The following TMED5 variants were observed in gnomAD, a reference collection of about 807,000 sequenced individuals.
TMED5 encodes the protein transmembrane emp24 domain-containing protein 5.
In TMED5, 27 loss-of-function variants were observed where a neutral mutation model predicts 23.0. That is an observed-to-expected ratio of 1.17 (90% CI 0.86 to 1.62). The LOEUF (loss-of-function observed/expected upper bound fraction) is 1.62. Ranked by LOEUF, TMED5 falls within the 40% of genes most tolerant of loss-of-function variation. The pLI is 0.00. For synonymous variants in TMED5, 97 were observed against 100.8 expected (o/e 0.96, Z 0.23); for missense variants, 248 against 273.7 (o/e 0.91, Z 0.66).
Position 93,153,704 on chromosome 1 carries a change from ATATT to A in TMED5, c.*962_*965del, listed in dbSNP as rs1236656629. The stretch of plus-strand genomic sequence containing the variant: ...TAATTCTTAGAGCTCAGAAAAGGAG[ATATT>A]TATTTATGGTAGGCCCAGATCATTT... On this transcript the variant is annotated 3_prime_UTR_variant, in exon 4 of 4. Transcript: ENST00000370282. The A allele has an allele frequency of 6.6e-6, 1 of 152,074 alleles. No homozygotes were observed. The highest frequency in any genetic ancestry group is 1.5e-5 in the Non-Finnish European group (1 of 67,960). The allele number at this position is 152,074 out of a possible 1,614,324, so 9.4% of individuals were successfully genotyped here. A position where few individuals can be genotyped will look rare whatever the true frequency, so the allele number is the denominator to read the frequency against.
Position 93,156,342 on chromosome 1 carries a change from A to T in TMED5, c.429T>A (p.Ile143=). 6.2e-7 allele frequency: 1 copy of T among 1,613,788 alleles called. No homozygotes were observed. The highest frequency in any genetic ancestry group is 8.5e-7 in the Non-Finnish European group (1 of 1,179,772). Residue 143 remains isoleucine (I), a synonymous_variant, in exon 3 of 4, where the codon ATT becomes ATA. Transcript: ENST00000370282. ...AQEQEDWKKY[I]TGTDILDMKL... ...TCATATCCAATATATCTGTGCCAGT[A>T]ATATATTTCTTCCAATCTTCTTGTT...
chr1:93,156,611 G>A (rs1648083227), intron 2 of TMED5, 128 bp from the exon 3 acceptor site: 8 of 699,882 alleles, frequency 1.1e-5, no homozygotes, highest in South Asian at 3.8e-5. Context: ...AGCATTTTGA[G>A]AGGGCAAGGC....
rs757714694 is a variant in TMED5 at position 93,150,397 on chromosome 1, G to T, written c.*4273C>A. ...ACATCCAGGTTGTTTCCGGGTTTTG[G>T]CTATTATAAATGAAGGTGCTATGTA... is the stretch of plus-strand genomic sequence containing the variant. On this transcript the variant is annotated 3_prime_UTR_variant, in exon 4 of 4. Coordinates refer to ENST00000370282, the MANE Select transcript of TMED5 (RefSeq NM_016040.5). 1 of 152,120 alleles carries T rather than the reference G, an allele frequency of 6.6e-6. No individual in the cohort carries two copies. The highest frequency in any genetic ancestry group is 1.5e-5 in the Non-Finnish European group (1 of 68,024). 9.4% of individuals were successfully genotyped at this position (152,120 alleles called of 1,614,324 possible). A position where few individuals can be genotyped will look rare whatever the true frequency, so the allele number is the denominator to read the frequency against.
At chr1:93,174,781 A>G (rs1457708188) in intron 1 of TMED5, among the ~76,000 whole-genome samples, 1 of 152,146 alleles carries the variant, frequency 6.6e-6, no homozygotes, top group Non-Finnish European at 1.5e-5. Context: ...TAAGGATAAT[A>G]GCCTCCAGCT....
chr1:93,179,934 T>C, intron 1 of TMED5, 120 bp downstream of exon 1: 1 of 1,142,080 alleles, frequency 8.8e-7, no homozygotes, highest in Non-Finnish European at 1.2e-6. Context: ...GCTGGCTTCC[T>C]GAACGGCCCT....
chr1:93,162,055 T>A (rs1356239587), intron 1 of TMED5: 6 of 152,110 alleles, frequency 3.9e-5, no homozygotes, highest in Non-Finnish European at 8.8e-5. Flanking sequence ...TTGCTAAAAT[T>A]TTAAAAAGAA....
chr1:93,167,441 T>A (rs1648548177), intron 1 of TMED5, among the ~76,000 whole-genome samples: 1 of 152,204 alleles, frequency 6.6e-6, no homozygotes, highest in Non-Finnish European at 1.5e-5. Flanking sequence ...ATTTCTTTCA[T>A]CAATGTTTTA....
intron 1 of TMED5, among the ~76,000 whole-genome samples, chr1:93,173,130 G>C (rs188594857): frequency 6.6e-6 from 1 of 152,244 alleles, no homozygotes; most frequent in African/African-American, 2.4e-5. Flanking sequence ...AATAGGTTTT[G>C]AGATCTATTG....
intron 1 of TMED5, among the ~76,000 whole-genome samples, chr1:93,173,098 A>G (rs1292868334): frequency 1.3e-5 from 2 of 151,230 alleles, no homozygotes; most frequent in East Asian, 3.8e-4. Flanking sequence ...CACAGAGTAC[A>G]AAGTTTCTGA....
intron 1 of TMED5, 27 bp from the exon 2 acceptor site, chr1:93,160,253 C>T (rs1557573434): frequency 2.2e-6 from 3 of 1,366,592 alleles, no homozygotes; most frequent in African/African-American, 1.4e-5. Context: ...ATGAGAAAAA[C>T]ATATATTACA....
chr1:93,156,362 C>T lies in TMED5; in HGVS notation c.409G>A (p.Glu137Lys), dbSNP rs764466853. 1.9e-6 allele frequency: 3 copies of T among 1,613,972 alleles called. No homozygotes were observed. Among genetic ancestry groups the T allele is most frequent in the South Asian group, 2.2e-5 (2 of 91,084 alleles). Reference protein sequence around the residue: ...DNMGEQAQEQEDWKKYITGTD... With the variant: ...DNMGEQAQEQKDWKKYITGTD... The stretch of plus-strand genomic sequence containing the variant: ...CCAGTAATATATTTCTTCCAATCTT[C>T]TTGTTCTTGTGCCTGTTCTCCCATA... The change falls in exon 3 of 4, where the codon GAA becomes AAA. Residue 137 changes from glutamate (E) to lysine (K), a missense_variant. Glu to Lys is a moderately conservative substitution (Grantham distance 56). Coordinates refer to ENST00000370282, the MANE Select transcript of TMED5 (RefSeq NM_016040.5).
chr1:93,173,730 A>T (rs72957210), intron 1 of TMED5, among the ~76,000 whole-genome samples: 13,685 of 152,278 alleles, frequency 0.09, 2,020 homozygotes, highest in African/African-American at 0.31. Context: ...TCCTATTCAG[A>T]CTTCCAGTTA....
rs1557568632 is a variant in TMED5, at chr1:93,150,179, TTTA to T, written c.*4488_*4490del. On this transcript the variant is annotated 3_prime_UTR_variant, in exon 4 of 4. Transcript: ENST00000370282. Reference sequence around the variant, plus strand: ...GAATCTTGTTTCCCATCTCTATAGCTTTATTATTTAAGAATGTTACAAAAACAG... The same window carrying T: ...GAATCTTGTTTCCCATCTCTATAGCTTTATTTAAGAATGTTACAAAAACAG... The T allele has an allele frequency of 6.6e-6, 1 of 152,200 alleles. No individual in the cohort carries two copies. Among genetic ancestry groups the T allele is most frequent in the Non-Finnish European group, 1.5e-5 (1 of 68,038 alleles). 9.4% of individuals were successfully genotyped at this position (152,200 alleles called of 1,614,324 possible).
chr1:93,163,737 A>T (rs1323853168), intron 1 of TMED5, among the ~76,000 whole-genome samples: 1 of 149,874 alleles, frequency 6.7e-6, no homozygotes, highest in Admixed American at 6.7e-5. Context: ...GCACTTTGGG[A>T]GGCTGAGGTG....
chr1:93,160,483 A>G, intron 1 of TMED5: 1 of 289,398 alleles, frequency 3.5e-6, no homozygotes, highest in Non-Finnish European at 6.5e-6. Flanking sequence ...AAATCTTCCT[A>G]AAATAGTGGT....
At chr1:93,161,874 G>A (rs1180320614) in intron 1 of TMED5, 4 of 152,054 alleles carry the variant, frequency 2.6e-5, no homozygotes, top group Non-Finnish European at 5.9e-5. Flanking sequence ...TCCTAACAAT[G>A]TTATTATCCA....
chr1:93,167,226 G>A lies in TMED5; in HGVS notation c.190-7000C>T, dbSNP rs1053864521. Among the ~76,000 whole-genome samples the A allele has an allele frequency of 3.3e-5, 5 of 152,154 alleles. No homozygotes were observed. The South Asian group carries it at 1.0e-3, about 32-fold the overall frequency. On this transcript the variant is annotated intron_variant, in intron 1 of 3. Transcript: ENST00000370282. ...TCCAGTTTTGTTTTGTTTTGCTTAG[G>A]ATATTTCTGGGCTATTCTGGGTCTT...
chr1:93,180,047 CACTT>C lies in TMED5; in HGVS notation c.189+3_189+6del. ...AGGAAGGAGGCTGGTTTATCCTCCG[CACTT>C]ACTTGGTACTCGATCTCCAGCGAGG... On this transcript the variant is annotated splice_donor_5th_base_variant and intron_variant, in intron 1 of 3. Transcript: ENST00000370282. 6.2e-7 allele frequency: 1 copy of C among 1,611,532 alleles called. No individual in the cohort carries two copies. The highest frequency in any genetic ancestry group is 8.5e-7 in the Non-Finnish European group (1 of 1,178,868).
At chr1:93,156,981 C>T (rs1648097903) in intron 2 of TMED5, among the ~76,000 whole-genome samples, 1 of 152,020 alleles carries the variant, frequency 6.6e-6, no homozygotes, top group Non-Finnish European at 1.5e-5. Context: ...ACATGTTTGG[C>T]ATTTACTCAG....
Sources: gnomAD v4.1 joint callset for allele counts (sites outside exome capture counted in the v4.1 genomes callset) on GRCh38, gnomAD v4.1.1 for gene constraint, MANE v1.5 for transcripts, NCBI Gene and HGNC (gene_info 2026-07-23, HGNC 2026-07-21) for gene names.